TCOF1: variants seen among roughly 807,000 people sequenced by gnomAD.
TCOF1 encodes the protein treacle protein.
In TCOF1, 33 loss-of-function variants were observed where a neutral mutation model predicts 149.0. That is an observed-to-expected ratio of 0.22 (90% CI 0.17 to 0.30). TCOF1 has a LOEUF of 0.30. TCOF1 is among the 10% of genes least tolerant of loss of function. The pLI is 1.00. For missense variants in TCOF1, 1,728 were observed against 1,840.7 expected (o/e 0.94, Z 1.12); for synonymous variants, 789 against 738.8 (o/e 1.07, Z -1.10).
rs115486857 is a variant in TCOF1, at chr5:150,367,990, A to C, written c.378+73A>C. 1,964 of 1,539,062 alleles carry C rather than the reference A, an allele frequency of 1.3e-3. 23 individuals are homozygous for C. In the African/African-American group the frequency reaches 0.019, roughly 15 times the overall value. Reference sequence around the variant, plus strand: ...CTGGTAGGGGACAGTCTTACATGTCAGAGAAGGATAGGGTTGTGAGTAATT... The same window carrying C: ...CTGGTAGGGGACAGTCTTACATGTCCGAGAAGGATAGGGTTGTGAGTAATT... On this transcript the variant is annotated intron_variant, in intron 4 of 26. Coordinates refer to ENST00000643257, the MANE Select transcript of TCOF1 (RefSeq NM_001371623.1).
chr5:150,385,944 C>T (rs553436299), intron 17 of TCOF1, among the ~76,000 whole-genome samples: 1 of 152,298 alleles, frequency 6.6e-6, no homozygotes, highest in East Asian at 1.9e-4. Context: ...TGCATTGGAA[C>T]CCCTCCAGTG....
At position 150,376,283 on chromosome 5, in the gene TCOF1, T is replaced by C. The variant is rs753252112; in HGVS notation, c.2095T>C (p.Ser699Pro). 4 of 1,614,002 alleles carry C rather than the reference T, an allele frequency of 2.5e-6. No individual in the cohort carries two copies. The South Asian group carries it at 4.4e-5, about 18-fold the overall frequency. The stretch of plus-strand genomic sequence containing the variant: ...AGAGGATTCTTCAAGCAGTGAGGAA[T>C]CAGATAGTGAGGAAGAGAAGACAGG... ...PAEDSSSSEE[S>P]DSEEEKTGLA... The change falls in exon 13 of 27, where the codon TCA becomes CCA. Residue 699 changes from serine to proline, a missense_variant. By Grantham distance (74) the Ser-to-Pro change is moderately conservative (BLOSUM62 -1). Around this residue, in one of 2 missense-constraint regions of TCOF1, gnomAD observed 1,696 missense variants for 1,765.4 expected, o/e 0.96. Coordinates refer to ENST00000643257, the MANE Select transcript of TCOF1 (RefSeq NM_001371623.1).
Position 150,392,028 on chromosome 5 carries a change from C to T in TCOF1, c.3369C>T (p.Asn1123=). The change falls in exon 21 of 27, where the codon AAC becomes AAT. Residue 1123 remains asparagine, a synonymous_variant. Transcript: ENST00000643257. ...QSTSVQAKGT[N]KLRKPKLPEV... ...CCTCCGTCCAGGCCAAAGGGACCAA[C>T]AAGCTCAGAAAACCTAAGCTTCCTG... 6.2e-7 allele frequency: 1 copy of T among 1,614,250 alleles called. No homozygotes were observed. The highest frequency in any genetic ancestry group is 8.5e-7 in the Non-Finnish European group (1 of 1,180,042).
Position 150,389,875 on chromosome 5 carries a change from G to T in TCOF1, c.3047-12G>T, listed in dbSNP as rs371355622. The T allele has an allele frequency of 2.5e-6, 4 of 1,614,016 alleles. No homozygotes were observed. Among genetic ancestry groups the T allele is most frequent in the Middle Eastern group, 3.3e-4 (2 of 6,084 alleles). On this transcript the variant is annotated splice_polypyrimidine_tract_variant and intron_variant, in intron 18 of 26. Coordinates refer to ENST00000643257, the MANE Select transcript of TCOF1 (RefSeq NM_001371623.1). Reference sequence around the variant, plus strand: ...TTGTGCCCTGATGTGCCCCCATCTCGCTCCATTTCAGGCATCAGAACCAAT... The same window carrying T: ...TTGTGCCCTGATGTGCCCCCATCTCTCTCCATTTCAGGCATCAGAACCAAT...
At chr5:150,386,944 A>C (rs1766419118) in intron 17 of TCOF1, among the ~76,000 whole-genome samples, 1 of 152,218 alleles carries the variant, frequency 6.6e-6, no homozygotes, top group Admixed American at 6.5e-5. Context: ...TGGAAAATTT[A>C]AAGCATACCC....
chr5:150,384,556 C>G (rs1765884689), intron 17 of TCOF1: 1 of 985,416 alleles, frequency 1.0e-6, no homozygotes, highest in East Asian at 1.1e-4. Flanking sequence ...GGGATCTAAA[C>G]AACTGGGAGG....
Position 150,375,084 on chromosome 5 carries a change from A to G in TCOF1, c.1409A>G (p.Lys470Arg), listed in dbSNP as rs747825416. ...GPAAAQVQVG[K>R]QEEDSRSSSE... ...GCAGCCGCCCAGGTCCAGGTGGGGA[A>G]GCAGGAGGAGGACTCAAGAAGCAGC... The change falls in exon 10 of 27, where the codon AAG becomes AGG. Residue 470 changes from lysine (K) to arginine (R), a missense_variant. Lys to Arg is a conservative substitution (Grantham distance 26). Around this residue, in one of 2 missense-constraint regions of TCOF1, gnomAD observed 1,696 missense variants for 1,765.4 expected, o/e 0.96. Coordinates refer to ENST00000643257, the MANE Select transcript of TCOF1 (RefSeq NM_001371623.1). 2 of 1,614,072 alleles carry G rather than the reference A, an allele frequency of 1.2e-6. No homozygotes were observed. Among genetic ancestry groups the G allele is most frequent in the South Asian group, 1.1e-5 (1 of 91,090 alleles).
At chr5:150,396,908 C>T in intron 24 of TCOF1, 66 bp downstream of exon 24, 2 of 1,527,458 alleles carry the variant, frequency 1.3e-6, no homozygotes, top group Middle Eastern at 2.2e-4. Flanking sequence ...CGGGAGGGAC[C>T]CTCAGCCAGC....
chr5:150,393,593 G>T (rs775506680), intron 23 of TCOF1, 41 bp downstream of exon 23: 2 of 1,613,438 alleles, frequency 1.2e-6, no homozygotes. Flanking sequence ...AGGACACAGA[G>T]GGACAGGGCA....
At position 150,392,172 on chromosome 5, in the gene TCOF1, G is replaced by A. The variant is rs778771631; in HGVS notation, c.3513G>A (p.Thr1171=). 11 of 1,613,598 alleles carry A rather than the reference G, an allele frequency of 6.8e-6. No homozygotes were observed. Among genetic ancestry groups the A allele is most frequent in the African/African-American group, 2.7e-5 (2 of 74,938 alleles). ...EGPQGAKSAH[T]LVGPTPSRTE... Reference sequence around the variant, plus strand: ...CCCAGGGGGCCAAGTCAGCCCACACGCTGGGTGAGGGTGCCAGGGGAAAGG... The same window carrying A: ...CCCAGGGGGCCAAGTCAGCCCACACACTGGGTGAGGGTGCCAGGGGAAAGG... The change falls in exon 21 of 27, where the codon ACG becomes ACA. Residue 1171 remains threonine, a synonymous_variant. Transcript: ENST00000643257.
At position 150,378,922 on chromosome 5, in the gene TCOF1, G is replaced by A; in HGVS notation, c.2358G>A (p.Lys786=). Residue 786 remains lysine, a synonymous_variant, in exon 15 of 27, where the codon AAG becomes AAA. Transcript: ENST00000643257. The part of the protein sequence containing the change: ...ASPAQVKTSV[K]KTQAKANPAA... ...CCACTCAGGTGAAAACCTCAGTAAAGAAAACCCAGGCCAAAGCCAACCCAG... is the reference window on the plus strand; with the variant it reads ...CCACTCAGGTGAAAACCTCAGTAAAAAAAACCCAGGCCAAAGCCAACCCAG... 1 of 1,614,034 alleles carries A rather than the reference G, an allele frequency of 6.2e-7. No homozygotes were observed. The highest frequency in any genetic ancestry group is 1.6e-4 in the Middle Eastern group (1 of 6,062).
At chr5:150,368,102 A>G (rs1179197846) in intron 4 of TCOF1, 185 bp downstream of exon 4, 2 of 625,468 alleles carry the variant, frequency 3.2e-6, no homozygotes, top group South Asian at 1.9e-5. Context: ...TTACTTTTCT[A>G]TAAAGATAAG....
chr5:150,391,749 T>C, intron 20 of TCOF1, 92 bp downstream of exon 20: 1 of 1,311,362 alleles, frequency 7.6e-7, no homozygotes, highest in East Asian at 2.5e-5. Flanking sequence ...ATCTGCCCCA[T>C]GACCTCTGCA....
rs751941031 is a variant in TCOF1 at position 150,379,590 on chromosome 5, C to G, written c.2717C>G (p.Ser906Cys). Residue 906 changes from serine (S) to cysteine (C), a missense_variant, in exon 17 of 27, where the codon TCC (serine) becomes TGC (cysteine). Transcript: ENST00000643257. ...GCTGCCTTGGCTCCTGCCAAGGAGT[C>G]CCCCAGGAAAGGGGCTGCCCCAACA... ...IRAALAPAKE[S>C]PRKGAAPTPP... The G allele has an allele frequency of 1.8e-5, 29 of 1,614,020 alleles. No individual in the cohort carries two copies. Among genetic ancestry groups the G allele is most frequent in the Non-Finnish European group, 1.5e-5 (18 of 1,180,042 alleles).
chr5:150,368,668 A>T lies in TCOF1; in HGVS notation c.379-48A>T, dbSNP rs1761891595. 4 of 1,610,726 alleles carry T rather than the reference A, an allele frequency of 2.5e-6. No individual in the cohort carries two copies. In the East Asian group the frequency reaches 8.9e-5, roughly 36 times the overall value. On this transcript the variant is annotated intron_variant, in intron 4 of 26. Transcript: ENST00000643257. Reference sequence around the variant, plus strand: ...TCAGATGCAAGTGGCCTGTGCTCTTAGTTCACCATGCCATACCAGATGTGT... The same window carrying T: ...TCAGATGCAAGTGGCCTGTGCTCTTTGTTCACCATGCCATACCAGATGTGT...
intron 24 of TCOF1, among the ~76,000 whole-genome samples, chr5:150,397,214 G>A (rs1768762659): frequency 6.7e-6 from 1 of 148,946 alleles, no homozygotes; most frequent in African/African-American, 2.5e-5. Context: ...GGGGCAGCTT[G>A]TGGCAAAGCC....
chr5:150,384,919 G>A, intron 17 of TCOF1: 1 of 985,426 alleles, frequency 1.0e-6, no homozygotes, highest in Non-Finnish European at 1.2e-6. Context: ...GGCCAGGGTG[G>A]TGGGCAGAGT....
chr5:150,382,067 C>T (rs1461486616), intron 17 of TCOF1, among the ~76,000 whole-genome samples: 1 of 152,158 alleles, frequency 6.6e-6, no homozygotes, highest in African/African-American at 2.4e-5. Flanking sequence ...CTGGTGGCAC[C>T]AGCCTATAAT....
At chr5:150,364,717 C>G (rs891256367) in intron 3 of TCOF1, among the ~76,000 whole-genome samples, 5 of 152,184 alleles carry the variant, frequency 3.3e-5, no homozygotes, top group Non-Finnish European at 7.3e-5. Flanking sequence ...TGGTTTTACA[C>G]CGTTTGCAGG....
Sources: allele counts gnomAD v4.1 joint callset (sites outside exome capture counted in the v4.1 genomes callset), GRCh38; gene constraint gnomAD v4.1.1; regional missense constraint gnomAD v4.1.1; transcripts MANE v1.5; gene names NCBI Gene and HGNC (gene_info 2026-07-23, HGNC 2026-07-21).